Variants in UGCG observed in about 807,000 individuals in gnomAD.
UGCG encodes the protein UDP-glucose ceramide glucosyltransferase.
In UGCG, 10 loss-of-function variants were observed where a neutral mutation model predicts 49.5. That is an observed-to-expected ratio of 0.20 (90% CI 0.12 to 0.34). UGCG has a LOEUF of 0.34. Ranked by LOEUF, UGCG falls within the 10% of genes least tolerant of loss-of-function variation. The pLI, the probability that UGCG is intolerant of heterozygous loss-of-function variation, is 1.00. For synonymous variants in UGCG, 182 were observed against 158.2 expected (o/e 1.15, Z -1.13); for missense variants, 312 against 483.7 (o/e 0.65, Z 3.33).
intron 2 of UGCG, among the ~76,000 whole-genome samples, chr9:111,915,273 A>G (rs777233091): frequency 2.6e-5 from 4 of 152,186 alleles, no homozygotes; most frequent in Non-Finnish European, 5.9e-5. Context: ...TGCTTATACC[A>G]TTTATCTATA....
chr9:111,931,169 CCGG>C, intron 6 of UGCG, 99 bp from the exon 7 acceptor site: 1 of 1,124,682 alleles, frequency 8.9e-7, no homozygotes, highest in Non-Finnish European at 1.3e-6. Context: ...ACCCTGAATA[CCGG>C]CAGTTGCCTG....
chr9:111,898,767 C>G (rs1446426435), intron 1 of UGCG, among the ~76,000 whole-genome samples: 1 of 151,918 alleles, frequency 6.6e-6, no homozygotes, highest in African/African-American at 2.4e-5. Flanking sequence ...CCTTGTTAAC[C>G]TTTTGTGACT....
At position 111,929,344 on chromosome 9, in the gene UGCG, A is replaced by G. The variant is rs896898206; in HGVS notation, c.559-156A>G. 1.0e-5 allele frequency: 7 copies of G among 696,704 alleles called. No homozygotes were observed. The South Asian group carries it at 1.4e-4, about 14-fold the overall frequency. 43.2% of individuals were successfully genotyped at this position (696,704 alleles called of 1,614,324 possible). A position where few individuals can be genotyped will look rare whatever the true frequency, so the allele number is the denominator to read the frequency against. ...TAACTGTGCTTGCTCTATGAAAGCA[A>G]TATTGTCTACCACTTTTTATTCAGG... is the stretch of plus-strand genomic sequence containing the variant. On this transcript the variant is annotated intron_variant, in intron 5 of 8. Transcript: ENST00000374279.
chr9:111,933,171 C>A lies in UGCG; in HGVS notation c.*174C>A. On this transcript the variant is annotated 3_prime_UTR_variant, in exon 9 of 9. Transcript: ENST00000374279. ...TCTGTGAAAAAAAAAAAAAACACAT[C>A]TGTAGTCTTGGCCAAATGATACACT... The A allele has an allele frequency of 1.9e-6, 1 of 513,324 alleles. No homozygotes were observed. The highest frequency in any genetic ancestry group is 2.9e-6 in the Non-Finnish European group (1 of 344,822). The allele number at this position is 513,324 out of a possible 1,614,324, so 31.8% of individuals were successfully genotyped here.
intron 1 of UGCG, among the ~76,000 whole-genome samples, chr9:111,907,686 G>A (rs960845273): frequency 2.0e-5 from 3 of 149,618 alleles, no homozygotes; most frequent in Non-Finnish European, 3.0e-5. Flanking sequence ...GTGCAGTGGT[G>A]CGATCTTGGC....
intron 1 of UGCG, among the ~76,000 whole-genome samples, chr9:111,907,516 A>G (rs1041862757): frequency 1.3e-5 from 2 of 152,158 alleles, no homozygotes; most frequent in African/African-American, 4.8e-5. Flanking sequence ...GATTCTTTGC[A>G]TGCTTGGAAA....
chr9:111,926,448 G>T lies in UGCG; in HGVS notation c.510G>T (p.Gly170=). The change falls in exon 5 of 9, where the codon GGG becomes GGT. Residue 170 remains glycine, a synonymous_variant. Coordinates refer to ENST00000374279, the MANE Select transcript of UGCG (RefSeq NM_003358.3). ...CAGAAAAAGTAGGCTTGGTTCACGGGCTGCCTTACGTAGCAGACAGACAGG... is the reference window on the plus strand; with the variant it reads ...CAGAAAAAGTAGGCTTGGTTCACGGTCTGCCTTACGTAGCAGACAGACAGG... ...QMTEKVGLVH[G]LPYVADRQGF... The T allele has an allele frequency of 6.2e-7, 1 of 1,610,784 alleles. No individual in the cohort carries two copies. The highest frequency in any genetic ancestry group is 8.5e-7 in the Non-Finnish European group (1 of 1,177,872).
intron 7 of UGCG, 155 bp from the exon 8 acceptor site, chr9:111,932,015 G>A (rs1838434249): frequency 9.2e-6 from 7 of 760,702 alleles, no homozygotes; most frequent in African/African-American, 2.0e-5. Flanking sequence ...GCAGAACCCC[G>A]TCTCAAGTAA....
chr9:111,912,199 G>A (rs375447848), intron 1 of UGCG, among the ~76,000 whole-genome samples: 1 of 151,588 alleles, frequency 6.6e-6, no homozygotes, highest in Non-Finnish European at 1.5e-5. Context: ...GTTTTAGATC[G>A]TGGTTTTACC....
At chr9:111,925,966 A>G (rs1163463261) in intron 4 of UGCG, among the ~76,000 whole-genome samples, 1 of 152,210 alleles carries the variant, frequency 6.6e-6, no homozygotes, top group Non-Finnish European at 1.5e-5. Context: ...GAAATCTGAT[A>G]CTCACAGAGA....
intron 1 of UGCG, 75 bp downstream of exon 1, chr9:111,897,388 G>C (rs1837683357): frequency 8.0e-7 from 1 of 1,242,950 alleles, no homozygotes; most frequent in East Asian, 2.8e-5. Flanking sequence ...GGAAACGTTT[G>C]CGCTTTGAAG....
At chr9:111,911,617 G>C (rs1490266904) in intron 1 of UGCG, among the ~76,000 whole-genome samples, 1 of 151,968 alleles carries the variant, frequency 6.6e-6, no homozygotes, top group Non-Finnish European at 1.5e-5. Context: ...CAGTTCAGGG[G>C]CTGAACGTGG....
In UGCG at chr9:111,921,802, A is replaced by ATTTTTTTTTTTTTTTTTTTTTTTTTTTTT. The variant is rs71373800; in HGVS notation, c.241-1021_241-1020insTTTTTTTTTTTTTTTTTTTTTTTTTTTTT. 4.1e-4 allele frequency among the ~76,000 whole-genome samples: 23 copies of ATTTTTTTTTTTTTTTTTTTTTTTTTTTTT among 55,532 alleles called. 5 individuals are homozygous for ATTTTTTTTTTTTTTTTTTTTTTTTTTTTT. The highest frequency in any genetic ancestry group is 8.1e-4 in the East Asian group (1 of 1,242). The allele number at this position is 55,532 out of a possible 152,430, so 36.4% of individuals were successfully genotyped here. On this transcript the variant is annotated intron_variant, in intron 2 of 8. Coordinates refer to ENST00000374279, the MANE Select transcript of UGCG (RefSeq NM_003358.3). ...TTTTTAAAATAAATGCCCCAGGGTG[A>ATTTTTTTTTTTTTTTTTTTTTTTTTTTTT]TTTTTTTTTTTTTTTTTTTTTTTTT... is the stretch of plus-strand genomic sequence containing the variant.
Position 111,933,152 on chromosome 9 carries a change from A to G in UGCG, c.*155A>G, listed in dbSNP as rs763546727. The G allele has an allele frequency of 5.2e-5, 13 of 248,494 alleles. No homozygotes were observed. Among genetic ancestry groups the G allele is most frequent in the Non-Finnish European group, 5.9e-5 (10 of 170,256 alleles). 15.4% of individuals were successfully genotyped at this position (248,494 alleles called of 1,614,324 possible). ...TTTTTGCATGGCACTTGCATCTGTG[A>G]AAAAAAAAAAAAACACATCTGTAGT... On this transcript the variant is annotated 3_prime_UTR_variant, in exon 9 of 9. Coordinates refer to ENST00000374279, the MANE Select transcript of UGCG (RefSeq NM_003358.3).
intron 2 of UGCG, among the ~76,000 whole-genome samples, chr9:111,920,584 C>G (rs1407949173): frequency 6.6e-6 from 1 of 152,062 alleles, no homozygotes; most frequent in Non-Finnish European, 1.5e-5. Context: ...AGGCTGGCCT[C>G]GAACTCCTGA....
rs1261180271 is a variant in UGCG, at chr9:111,922,923, T to C, written c.315T>C (p.Tyr105=). ...IDVCKKLLGK[Y]PNVDARLFIG... ...TATGTAAGAAGCTTCTTGGAAAATA[T>C]CCAAATGTTGATGCTAGATTGTTTA... is the stretch of plus-strand genomic sequence containing the variant. The change falls in exon 3 of 9, where the codon TAT becomes TAC. Residue 105 remains tyrosine (Y), a synonymous_variant. Transcript: ENST00000374279. 14 of 1,612,730 alleles carry C rather than the reference T, an allele frequency of 8.7e-6. No homozygotes were observed. Among genetic ancestry groups the C allele is most frequent in the African/African-American group, 2.7e-5 (2 of 74,916 alleles).
At chr9:111,923,509 A>G (rs1368860255) in intron 3 of UGCG, among the ~76,000 whole-genome samples, 1 of 152,188 alleles carries the variant, frequency 6.6e-6, no homozygotes, top group African/African-American at 2.4e-5. Context: ...AAATTAATAT[A>G]AGTGTAGCAT....
intron 2 of UGCG, among the ~76,000 whole-genome samples, chr9:111,921,802 A>AT (rs71373800): frequency 0.041 from 2,289 of 55,438 alleles, 443 homozygotes; most frequent in African/African-American, 0.049. Flanking sequence ...CCCCAGGGTG[A>AT]TTTTTTTTTT....
chr9:111,922,941 A>G lies in UGCG; in HGVS notation c.333A>G (p.Arg111=), dbSNP rs756150794. The G allele has an allele frequency of 6.2e-6, 10 of 1,609,602 alleles. No homozygotes were observed. Among genetic ancestry groups the G allele is most frequent in the African/African-American group, 1.3e-5 (1 of 74,964 alleles). The change falls in exon 3 of 9, where the codon AGA becomes AGG. Residue 111 remains arginine, a synonymous_variant. Coordinates refer to ENST00000374279, the MANE Select transcript of UGCG (RefSeq NM_003358.3). ...LLGKYPNVDA[R]LFIGGKKVGI... is the part of the protein sequence containing the mutation. ...GAAAATATCCAAATGTTGATGCTAG[A>G]TTGTTTATAGGTAAGTAACAAATTC... is the stretch of plus-strand genomic sequence containing the variant.
Sources: allele counts gnomAD v4.1 joint callset (sites outside exome capture counted in the v4.1 genomes callset), GRCh38; gene constraint gnomAD v4.1.1; transcripts MANE v1.5; gene names NCBI Gene and HGNC (gene_info 2026-07-23, HGNC 2026-07-21).